ZNF474: variants seen among roughly 807,000 people sequenced by gnomAD.
ZNF474 encodes zinc finger protein 474.
For missense variants in ZNF474, 511 were observed against 433.8 expected (o/e 1.18, Z -1.58); for synonymous variants, 192 against 162.2 (o/e 1.18, Z -1.39).
In ZNF474 at chr5:122,153,527, A is replaced by G. The variant is rs1448809204; in HGVS notation, c.*442A>G. ...ATAGAATCTGTGTCAAAAACCCCCA[A>G]TGACTTTAGCAACAATTAAACACTG... On this transcript the variant is annotated 3_prime_UTR_variant, in exon 2 of 2. Coordinates refer to ENST00000296600, the MANE Select transcript of ZNF474 (RefSeq NM_207317.3). 3 of 175,558 alleles carry G rather than the reference A, an allele frequency of 1.7e-5. No individual in the cohort carries two copies. Among genetic ancestry groups the G allele is most frequent in the African/African-American group, 7.2e-5 (3 of 41,624 alleles). The allele number at this position is 175,558 out of a possible 1,614,324, so 10.9% of individuals were successfully genotyped here.
intron 1 of ZNF474, among the ~76,000 whole-genome samples, chr5:122,130,402 A>G (rs1025136114): frequency 6.6e-6 from 1 of 152,168 alleles, no homozygotes; most frequent in Non-Finnish European, 1.5e-5. Flanking sequence ...ATAGTTGGCC[A>G]TTCATGAACT....
Position 122,153,106 on chromosome 5 carries a change from C to A in ZNF474, c.*21C>A. 1.9e-6 allele frequency: 3 copies of A among 1,584,494 alleles called. No homozygotes were observed. Among genetic ancestry groups the A allele is most frequent in the Non-Finnish European group, 2.6e-6 (3 of 1,164,944 alleles). ...TGTAGGGGAACAAGAGAAAACTATC[C>A]CCAGAATCAGCCACCTCAGCCCCTA... On this transcript the variant is annotated 3_prime_UTR_variant, in exon 2 of 2. Transcript: ENST00000296600.
At chr5:122,149,687 G>A (rs1453139289) in intron 1 of ZNF474, among the ~76,000 whole-genome samples, 1 of 152,120 alleles carries the variant, frequency 6.6e-6, no homozygotes, top group Non-Finnish European at 1.5e-5. Flanking sequence ...TTATAAAGTT[G>A]AAATAATAAT....
In ZNF474 at chr5:122,152,080, T is replaced by C; in HGVS notation, c.90T>C (p.Ala30=). Residue 30 remains alanine, a synonymous_variant, in exon 2 of 2, where the codon GCT becomes GCC. Transcript: ENST00000296600. ...AACCCACTTTCCTTATCAACCAAGC[T>C]GGGCTTCTCTCTAGTGACTCCTATT... is the stretch of plus-strand genomic sequence containing the variant. The part of the protein sequence containing the change: ...SKEPTFLINQ[A]GLLSSDSYSS... 6.2e-7 allele frequency: 1 copy of C among 1,614,206 alleles called. No homozygotes were observed. Among genetic ancestry groups the C allele is most frequent in the Non-Finnish European group, 8.5e-7 (1 of 1,180,028 alleles).
At chr5:122,131,340 A>G (rs974278892) in intron 1 of ZNF474, among the ~76,000 whole-genome samples, 2 of 151,776 alleles carry the variant, frequency 1.3e-5, no homozygotes, top group Non-Finnish European at 2.9e-5. Context: ...AAATTAGTAT[A>G]TTAAAGAGAT....
At chr5:122,134,154 T>A (rs1288129987) in intron 1 of ZNF474, among the ~76,000 whole-genome samples, 1 of 152,172 alleles carries the variant, frequency 6.6e-6, no homozygotes, top group Non-Finnish European at 1.5e-5. Context: ...AAACAATTTC[T>A]AAATATCATT....
intron 1 of ZNF474, among the ~76,000 whole-genome samples, chr5:122,130,585 T>G (rs561392718): frequency 6.6e-6 from 1 of 152,184 alleles, no homozygotes; most frequent in East Asian, 1.9e-4. Flanking sequence ...ATTACATTGA[T>G]TGGTAGTTTG....
Position 122,152,257 on chromosome 5 carries a change from C to T in ZNF474, c.267C>T (p.Ala89=). ...ESQLSPPVIP[A]RRPGFRVCYI... is the part of the protein sequence containing the mutation. Reference sequence around the variant, plus strand: ...AGCTTAGCCCCCCTGTGATCCCGGCCCGCAGGCCTGGATTCCGGGTATGCT... The same window carrying T: ...AGCTTAGCCCCCCTGTGATCCCGGCTCGCAGGCCTGGATTCCGGGTATGCT... The change falls in exon 2 of 2, where the codon GCC becomes GCT. Residue 89 remains alanine (A), a synonymous_variant. Coordinates refer to ENST00000296600, the MANE Select transcript of ZNF474 (RefSeq NM_207317.3). 6.2e-7 allele frequency: 1 copy of T among 1,614,196 alleles called. No individual in the cohort carries two copies. Among genetic ancestry groups the T allele is most frequent in the Non-Finnish European group, 8.5e-7 (1 of 1,180,042 alleles).
At position 122,150,706 on chromosome 5, in the gene ZNF474, C is replaced by G. The variant is rs79668671; in HGVS notation, c.-212-1073C>G. Among the ~76,000 whole-genome samples the G allele has an allele frequency of 1.1e-3, 171 of 152,300 alleles. 2 individuals carry two copies. In the East Asian group the frequency reaches 0.031, roughly 28 times the overall value. On this transcript the variant is annotated intron_variant, in intron 1 of 1. Transcript: ENST00000296600. ...AACCCACGGTAAAATTTACTCATAA[C>G]TTTTCCCAATATACAAATTTAAGAT...
In ZNF474 at chr5:122,152,412, C is replaced by CA; in HGVS notation, c.422_423insA (p.Leu142SerfsTer13). On this transcript the variant is annotated frameshift_variant, in exon 2 of 2. Coordinates refer to ENST00000296600, the MANE Select transcript of ZNF474 (RefSeq NM_207317.3). LOFTEE classifies it low-confidence loss of function (END_TRUNC). ...AGGCCAGAACCCTCCAAACCACAGT[C>CA]TCTCAGCAGCAGTGGGTCCTACAGT... 6.2e-7 allele frequency: 1 copy of CA among 1,614,204 alleles called. No homozygotes were observed. The highest frequency in any genetic ancestry group is 8.5e-7 in the Non-Finnish European group (1 of 1,180,038).
chr5:122,143,770 T>C (rs1302269971), intron 1 of ZNF474, among the ~76,000 whole-genome samples: 1 of 152,158 alleles, frequency 6.6e-6, no homozygotes, highest in East Asian at 1.9e-4. Flanking sequence ...TATGGTTCTT[T>C]TAATTGGCTG....
chr5:122,134,513 A>G (rs1755652618), intron 1 of ZNF474, among the ~76,000 whole-genome samples: 1 of 152,260 alleles, frequency 6.6e-6, no homozygotes, highest in Admixed American at 6.5e-5. Context: ...AAGGGCTCGT[A>G]AGCCATACAC....
intron 1 of ZNF474, among the ~76,000 whole-genome samples, chr5:122,142,776 G>T (rs376471335): frequency 1.3e-5 from 2 of 152,312 alleles, no homozygotes; most frequent in African/African-American, 4.8e-5. Context: ...ATAGAAGGAT[G>T]AGAGATGTGG....
At chr5:122,145,509 G>A (rs531569171) in intron 1 of ZNF474, among the ~76,000 whole-genome samples, 11 of 152,262 alleles carry the variant, frequency 7.2e-5, no homozygotes, top group African/African-American at 2.6e-4. Flanking sequence ...CTTTGCTATG[G>A]CTTCCTCTGT....
rs987161588 is a variant in ZNF474 at position 122,151,925 on chromosome 5, A to T, written c.-66A>T. The T allele has an allele frequency of 1.2e-5, 18 of 1,538,868 alleles. No individual in the cohort carries two copies. In the African/African-American group the frequency reaches 2.5e-4, roughly 21 times the overall value. On this transcript the variant is annotated 5_prime_UTR_variant, in exon 2 of 2. Coordinates refer to ENST00000296600, the MANE Select transcript of ZNF474 (RefSeq NM_207317.3). ...AACTAACCTCACTAACCTTCACTCT[A>T]AGCAGAAGCCCAAAGTGAGTCTGGC...
intron 1 of ZNF474, 21 bp from the exon 2 acceptor site, chr5:122,151,758 G>T (rs1295627303): frequency 1.8e-5 from 8 of 445,678 alleles, no homozygotes; most frequent in Non-Finnish European, 3.2e-5. Context: ...AACTTCTTAT[G>T]TCTCCCACCC....
intron 1 of ZNF474, among the ~76,000 whole-genome samples, chr5:122,145,530 G>A (rs550187416): frequency 2.8e-4 from 42 of 152,288 alleles, no homozygotes; most frequent in Admixed American, 2.3e-3. Context: ...GGCAGTGGTG[G>A]CCTTGTGGCT....
intron 1 of ZNF474, among the ~76,000 whole-genome samples, chr5:122,146,139 T>C (rs1206122327): frequency 5.3e-5 from 8 of 152,196 alleles, no homozygotes; most frequent in Admixed American, 5.2e-4. Context: ...TCCCCACTTC[T>C]TGCATTCTCC....
chr5:122,152,274 G>A lies in ZNF474; in HGVS notation c.284G>A (p.Arg95Gln), dbSNP rs72786994. Residue 95 changes from arginine (R) to glutamine (Q), a missense_variant, in exon 2 of 2, where the codon CGG becomes CAG. Arg to Gln is a conservative substitution (Grantham distance 43). Coordinates refer to ENST00000296600, the MANE Select transcript of ZNF474 (RefSeq NM_207317.3). ...ATCCCGGCCCGCAGGCCTGGATTCC[G>A]GGTATGCTATATCTGTGGCCGAGAA... The part of the protein sequence containing the change: ...PVIPARRPGF[R>Q]VCYICGREFG... 0.019 allele frequency: 30,810 copies of A among 1,614,164 alleles called. 383 individuals are homozygous for A. Among genetic ancestry groups the A allele is most frequent in the South Asian group, 0.033 (3,004 of 91,082 alleles).
Sources: gnomAD v4.1 joint callset for allele counts (sites outside exome capture counted in the v4.1 genomes callset) on GRCh38, gnomAD v4.1.1 for gene constraint, MANE v1.5 for transcripts, NCBI Gene and HGNC (gene_info 2026-07-23, HGNC 2026-07-21) for gene names.